DNAH17: variants seen among roughly 807,000 people sequenced by gnomAD.
DNAH17 encodes dynein axonemal heavy chain 17, also known as axonemal beta dynein heavy chain 17.
DNAH17 carries 376 observed loss-of-function variants against 485.6 expected under a neutral mutation model. That is an observed-to-expected ratio of 0.77 (90% CI 0.71 to 0.84). The LOEUF (loss-of-function observed/expected upper bound fraction) is 0.84. DNAH17 is among the 40% of genes least tolerant of loss of function. DNAH17 has a pLI of 0.00. For synonymous variants in DNAH17, 3,031 were observed against 2,405.9 expected (o/e 1.26, Z -7.60); for missense variants, 6,370 against 5,839.3 (o/e 1.09, Z -2.96).
At chr17:78,486,678 AG>A (rs1340455350) in intron 44 of DNAH17, among the ~76,000 whole-genome samples, 172 bp from the exon 45 acceptor site, 1 of 152,202 alleles carries the variant, frequency 6.6e-6, no homozygotes. Context: ...GGCCAGTTGC[AG>A]GCCCTGAAAG....
Position 78,425,550 on chromosome 17 carries a change from CTG to C in DNAH17, c.12935_12936del (p.Thr4312ArgfsTer81). On this transcript the variant is annotated frameshift_variant, in exon 80 of 81. Transcript: ENST00000389840. LOFTEE classifies it high-confidence loss of function. ...LRIRELEAWTTDFALPTTVWL... is the reference protein window; with the variant it reads ...LRIRELEAWTXDFALPTTVWL... ...CACACGGTGGTGGGCAGGGCAAAGTCTGTCGTCCAGGCCTCGAGTTCCTGCAA... is the reference window on the plus strand; with the variant it reads ...CACACGGTGGTGGGCAGGGCAAAGTCTCGTCCAGGCCTCGAGTTCCTGCAA... 6.2e-7 allele frequency: 1 copy of C among 1,612,184 alleles called. No homozygotes were observed. The highest frequency in any genetic ancestry group is 8.5e-7 in the Non-Finnish European group (1 of 1,179,018).
chr17:78,484,924 C>G lies in DNAH17; in HGVS notation c.7593G>C (p.Lys2531Asn). 1 of 1,605,790 alleles carries G rather than the reference C, an allele frequency of 6.2e-7. No individual in the cohort carries two copies. The highest frequency in any genetic ancestry group is 8.5e-7 in the Non-Finnish European group (1 of 1,175,784). Reference sequence around the variant, plus strand: ...GGGTGTGCGGGGCCACCGTCCCATACTTGTCCACCTCGGGCATGTTCATGT... The same window carrying G: ...GGGTGTGCGGGGCCACCGTCCCATAGTTGTCCACCTCGGGCATGTTCATGT... ...IDDMNMPEVD[K>N]YGTVAPHTLI... Residue 2531 changes from lysine (K) to asparagine (N), a missense_variant, in exon 48 of 81, where the codon AAG becomes AAC. Physicochemically the swap from Lys to Asn is moderately conservative, Grantham distance 94 (BLOSUM62 0). Coordinates refer to ENST00000389840, the MANE Select transcript of DNAH17 (RefSeq NM_173628.4).
chr17:78,459,540 T>C (rs1180531095), intron 60 of DNAH17, among the ~76,000 whole-genome samples: 5 of 152,352 alleles, frequency 3.3e-5, no homozygotes, highest in East Asian at 1.9e-4. Context: ...TGTGGTCAGC[T>C]GCTCTCACAG....
At chr17:78,543,750 G>A (rs774725566) in intron 17 of DNAH17, 107 bp downstream of exon 17, 1 of 1,528,490 alleles carries the variant, frequency 6.5e-7, no homozygotes, top group Admixed American at 1.7e-5. Flanking sequence ...ATGACTACAA[G>A]AAATGTGTCA....
rs545534034 is a variant in DNAH17, at chr17:78,477,020, C to T, written c.7993-287G>A. Among the ~76,000 whole-genome samples, 9 of 152,290 alleles carry T rather than the reference C, an allele frequency of 5.9e-5. No individual in the cohort carries two copies. The South Asian group carries it at 1.7e-3, about 28-fold the overall frequency. ...AATGGTGGAGGAGGGACAAGGGAGGCTAATTGCAAAGGAAAGCAGGTGACC... is the reference window on the plus strand; with the variant it reads ...AATGGTGGAGGAGGGACAAGGGAGGTTAATTGCAAAGGAAAGCAGGTGACC... On this transcript the variant is annotated intron_variant, in intron 51 of 80. Transcript: ENST00000389840.
intron 44 of DNAH17, 56 bp from the exon 45 acceptor site, chr17:78,486,562 C>T (rs2089618925): frequency 6.5e-7 from 1 of 1,539,842 alleles, no homozygotes. Flanking sequence ...CTGCCAGTGT[C>T]CCTGCCTTGG....
intron 39 of DNAH17, 51 bp downstream of exon 39, chr17:78,494,908 C>A: frequency 6.3e-7 from 1 of 1,585,962 alleles, no homozygotes; most frequent in South Asian, 1.1e-5. Flanking sequence ...GGCTGCTGCC[C>A]GCATCTCAAA....
chr17:78,470,015 G>C (rs1054946814), intron 54 of DNAH17, among the ~76,000 whole-genome samples: 9 of 150,144 alleles, frequency 6.0e-5, no homozygotes, highest in African/African-American at 2.2e-4. Flanking sequence ...ACAACAGTGT[G>C]AATGTGCTTC....
At chr17:78,485,407 G>C (rs554139263) in intron 47 of DNAH17, 143 bp downstream of exon 47, 2 of 826,354 alleles carry the variant, frequency 2.4e-6, no homozygotes, top group South Asian at 3.5e-5. Context: ...ACTCAGGAAG[G>C]AAAGGCCAGC....
chr17:78,475,574 G>C, intron 53 of DNAH17, 95 bp downstream of exon 53: 1 of 1,600,340 alleles, frequency 6.2e-7, no homozygotes, highest in African/African-American at 1.3e-5. Flanking sequence ...GTGCCACGCA[G>C]CCCCACACAA....
At chr17:78,536,770 G>GA (rs11454117) in intron 19 of DNAH17, among the ~76,000 whole-genome samples, 24,441 of 151,954 alleles carry the variant, frequency 0.16, 2,109 homozygotes, top group East Asian at 0.31. Context: ...GATGATGAGG[G>GA]AATGAAACCC....
At position 78,432,910 on chromosome 17, in the gene DNAH17, C is replaced by CG. The variant is rs908649933; in HGVS notation, c.12225+1118_12225+1119insC. Among the ~76,000 whole-genome samples, 14 of 124,068 alleles carry CG rather than the reference C, an allele frequency of 1.1e-4. 1 individual carries two copies. Among genetic ancestry groups the CG allele is most frequent in the Middle Eastern group, 3.8e-3 (1 of 264 alleles). 81.4% of individuals were successfully genotyped at this position (124,068 alleles called of 152,430 possible). A position where few individuals can be genotyped will look rare whatever the true frequency, so the allele number is the denominator to read the frequency against. On this transcript the variant is annotated intron_variant, in intron 75 of 80. Coordinates refer to ENST00000389840, the MANE Select transcript of DNAH17 (RefSeq NM_173628.4). ...GAGCAGGCTTCAAACGTGCCCCCCC[C>CG]CCCCGACCCCGGTGCCAGCACCGTT...
At chr17:78,550,692 G>C (rs1232030183) in intron 16 of DNAH17, among the ~76,000 whole-genome samples, 1 of 152,158 alleles carries the variant, frequency 6.6e-6, no homozygotes, top group Non-Finnish European at 1.5e-5. Flanking sequence ...AGAAACGTCT[G>C]TTGTTGAAGT....
intron 74 of DNAH17, 87 bp from the exon 75 acceptor site, chr17:78,434,307 T>C: frequency 1.6e-6 from 2 of 1,287,094 alleles, no homozygotes; most frequent in East Asian, 5.0e-5. Flanking sequence ...GTCCAGCCCT[T>C]GCCAGATGCT....
At chr17:78,478,368 C>A (rs1248342793) in intron 51 of DNAH17, among the ~76,000 whole-genome samples, 1 of 150,518 alleles carries the variant, frequency 6.6e-6, no homozygotes, top group Non-Finnish European at 1.5e-5. Context: ...ATCACCACCA[C>A]CATCACTGCC....
rs559670473 is a variant in DNAH17, at chr17:78,473,321, G to C, written c.8511+1957C>G. Reference sequence around the variant, plus strand: ...GCACTCTGGGAGGCTGAGGCGGGCAGATCACGAGGTCAGGAGATTGAGACC... The same window carrying C: ...GCACTCTGGGAGGCTGAGGCGGGCACATCACGAGGTCAGGAGATTGAGACC... On this transcript the variant is annotated intron_variant, in intron 54 of 80. Coordinates refer to ENST00000389840, the MANE Select transcript of DNAH17 (RefSeq NM_173628.4). Among the ~76,000 whole-genome samples the C allele has an allele frequency of 3.9e-5, 6 of 152,204 alleles. 1 individual carries two copies. In the South Asian group the frequency reaches 1.2e-3, roughly 32 times the overall value.
intron 74 of DNAH17, 84 bp downstream of exon 74, chr17:78,437,557 C>T (rs1188443686): frequency 1.9e-6 from 2 of 1,081,030 alleles, no homozygotes; most frequent in Middle Eastern, 3.0e-4. Context: ...TCAGAGCGGT[C>T]CTCAGTGGTC....
At chr17:78,472,987 T>C (rs1157036798) in intron 54 of DNAH17, among the ~76,000 whole-genome samples, 1 of 152,168 alleles carries the variant, frequency 6.6e-6, no homozygotes, top group Non-Finnish European at 1.5e-5. Flanking sequence ...CGGCACACTG[T>C]CCTCCAGGGT....
rs11077375 is a variant in DNAH17 at position 78,495,112 on chromosome 17, G to A, written c.5904-15C>T. Reference sequence around the variant, plus strand: ...TGGCACAGGGCCTGGGGAGGTCAGCGGTGCCTGTGGGCTTCTGCCCACTCC... The same window carrying A: ...TGGCACAGGGCCTGGGGAGGTCAGCAGTGCCTGTGGGCTTCTGCCCACTCC... On this transcript the variant is annotated splice_polypyrimidine_tract_variant and intron_variant, in intron 38 of 80. Coordinates refer to ENST00000389840, the MANE Select transcript of DNAH17 (RefSeq NM_173628.4). The A allele has an allele frequency of 0.26, 411,727 of 1,585,328 alleles. 55,036 individuals carry two copies. The highest frequency in any genetic ancestry group is 0.34 in the South Asian group (29,696 of 87,416).
Sources: gnomAD v4.1 joint callset for allele counts (sites outside exome capture counted in the v4.1 genomes callset) on GRCh38, gnomAD v4.1.1 for gene constraint, MANE v1.5 for transcripts, NCBI Gene and HGNC (gene_info 2026-07-23, HGNC 2026-07-21) for gene names.